PRELID2: variants seen among roughly 807,000 people sequenced by gnomAD.
PRELID2 encodes the protein PRELI domain containing 2.
PRELID2 carries 25 observed loss-of-function variants against 28.4 expected under a neutral mutation model. The observed-to-expected ratio is 0.88, with a 90% CI of 0.64 to 1.23. The LOEUF is 1.23. Among genes scored for constraint, PRELID2 ranks in the 50% most tolerant of loss-of-function variants. PRELID2 has a pLI of 0.00. For synonymous variants in PRELID2, 76 were observed against 71.6 expected (o/e 1.06, Z -0.31); for missense variants, 201 against 214.4 (o/e 0.94, Z 0.39).
chr5:145,817,836 G>A (rs1754476169), intron 4 of PRELID2, 58 bp downstream of exon 4: 15 of 1,371,936 alleles, frequency 1.1e-5, no homozygotes, highest in Non-Finnish European at 3.9e-6. Flanking sequence ...TTTAATGTAT[G>A]TACTCATGTG....
the PRELID2 span, among the ~76,000 whole-genome samples, chr5:145,312,915 T>G: frequency 1.3e-5 from 2 of 152,094 alleles, no homozygotes; most frequent in Non-Finnish European, 2.9e-5. Flanking sequence ...TCTATTTTAT[T>G]TTTTAAGAAT....
the PRELID2 span, among the ~76,000 whole-genome samples, chr5:145,272,195 C>T: frequency 6.6e-6 from 1 of 152,110 alleles, no homozygotes; most frequent in Non-Finnish European, 1.5e-5. Context: ...ACAGAAACAG[C>T]TGCAATAATT....
At chr5:145,764,890 T>G in intron 6 of PRELID2, 41 bp downstream of exon 6, 1 of 1,431,892 alleles carries the variant, frequency 7.0e-7, no homozygotes, top group Non-Finnish European at 9.8e-7. Flanking sequence ...CATGAAAATA[T>G]GGCTTGTGTA....
chr5:145,443,695 C>A, the PRELID2 span, among the ~76,000 whole-genome samples: 1 of 152,002 alleles, frequency 6.6e-6, no homozygotes, highest in South Asian at 2.1e-4. Flanking sequence ...AAACAAATTC[C>A]CTCCTTTGAG....
At chr5:145,767,020 C>T (rs1447630901) in intron 5 of PRELID2, among the ~76,000 whole-genome samples, 1 of 152,008 alleles carries the variant, frequency 6.6e-6, no homozygotes, top group Non-Finnish European at 1.5e-5. Flanking sequence ...AAGGGCAGTC[C>T]CTGGTGAGGG....
downstream of PRELID2, among the ~76,000 whole-genome samples, chr5:145,753,246 C>G (rs1430873469): frequency 6.6e-6 from 1 of 152,150 alleles, no homozygotes; most frequent in African/African-American, 2.4e-5. Flanking sequence ...TCTGCTGCCT[C>G]TAGCACAGCA....
At chr5:145,535,089 C>T (rs1039937129) in intron 1 of PRELID2, among the ~76,000 whole-genome samples, 1 of 151,862 alleles carries the variant, frequency 6.6e-6, no homozygotes, top group African/African-American at 2.4e-5. Context: ...CTCCCAGGAG[C>T]CATATTTGTA....
the PRELID2 span, among the ~76,000 whole-genome samples, chr5:145,319,680 AAAAT>A: frequency 0.75 from 108,668 of 144,488 alleles, 40,950 homozygotes; most frequent in South Asian, 0.89. Flanking sequence ...CTCCATCTCA[AAAAT>A]AAATAAATAA....
chr5:145,381,959 T>G, the PRELID2 span, among the ~76,000 whole-genome samples: 2 of 151,520 alleles, frequency 1.3e-5, no homozygotes, highest in Admixed American at 1.3e-4. Flanking sequence ...TTACTTAGTT[T>G]TTTTTTTTTT....
the PRELID2 span, among the ~76,000 whole-genome samples, chr5:145,361,421 T>C: frequency 6.1e-4 from 93 of 152,286 alleles, no homozygotes; most frequent in African/African-American, 2.2e-3. Context: ...CCTGCCTCTA[T>C]GGTATCTTCT....
chr5:145,672,558 C>T (rs1363411497), intron 1 of PRELID2, among the ~76,000 whole-genome samples: 1 of 150,902 alleles, frequency 6.6e-6, no homozygotes, highest in African/African-American at 2.4e-5. Flanking sequence ...TCCTGTATAG[C>T]CACCTTCTGT....
chr5:145,406,972 G>T, the PRELID2 span, among the ~76,000 whole-genome samples: 2 of 152,158 alleles, frequency 1.3e-5, no homozygotes, highest in African/African-American at 4.8e-5. Context: ...TTATCTCATG[G>T]GGTTCCTTGA....
At chr5:145,335,016 A>G in the PRELID2 span, among the ~76,000 whole-genome samples, 8 of 151,908 alleles carry the variant, frequency 5.3e-5, no homozygotes, top group African/African-American at 1.9e-4. Context: ...CCTTCCCAAT[A>G]TTTGTGAAGA....
the PRELID2 span, among the ~76,000 whole-genome samples, chr5:145,350,317 C>T: frequency 6.6e-6 from 1 of 152,028 alleles, no homozygotes; most frequent in African/African-American, 2.4e-5. Context: ...AAGATTTCAC[C>T]AAAGAGTGGT....
the PRELID2 span, among the ~76,000 whole-genome samples, chr5:145,334,054 G>A: frequency 2.0e-5 from 3 of 152,152 alleles, no homozygotes; most frequent in Non-Finnish European, 4.4e-5. Flanking sequence ...GTCCTTCCTG[G>A]GTGAACCGAC....
intron 1 of PRELID2, among the ~76,000 whole-genome samples, chr5:145,572,198 G>A (rs1340877197): frequency 1.3e-5 from 2 of 152,012 alleles, no homozygotes; most frequent in Non-Finnish European, 2.9e-5. Flanking sequence ...CCAGTGACCT[G>A]GACACCCCCA....
At chr5:145,549,646 T>C (rs1752816500) in intron 1 of PRELID2, among the ~76,000 whole-genome samples, 1 of 151,820 alleles carries the variant, frequency 6.6e-6, no homozygotes, top group South Asian at 2.1e-4. Flanking sequence ...TACAAAAAAA[T>C]TAGCCGGGCA....
intron 4 of PRELID2, among the ~76,000 whole-genome samples, chr5:145,814,960 T>C (rs1754196819): frequency 6.6e-6 from 1 of 152,236 alleles, no homozygotes; most frequent in Non-Finnish European, 1.5e-5. Context: ...GAAGGCAAAG[T>C]GACAGAATCT....
At chr5:145,415,926 T>A in the PRELID2 span, among the ~76,000 whole-genome samples, 3,683 of 151,782 alleles carry the variant, frequency 0.024, 129 homozygotes, top group African/African-American at 0.078. Context: ...ATTTCTCCAC[T>A]TCCTCTCCAG....
Sources: gnomAD v4.1 joint callset for allele counts (sites outside exome capture counted in the v4.1 genomes callset) on GRCh38, gnomAD v4.1.1 for gene constraint, MANE v1.5 for transcripts, NCBI Gene and HGNC (gene_info 2026-07-23, HGNC 2026-07-21) for gene names.